GRID2IP: variants seen among roughly 807,000 people sequenced by gnomAD.
The protein encoded by GRID2IP is delphilin.
A neutral mutation model predicts 114.3 loss-of-function variants in GRID2IP; 78 were observed. The ratio of observed to expected loss-of-function variants is 0.68; its 90% CI spans 0.57 to 0.82. The LOEUF is 0.82. GRID2IP is among the 40% of genes least tolerant of loss of function. The pLI is 0.00. For synonymous variants in GRID2IP, 809 were observed against 724.0 expected (o/e 1.12, Z -1.89); for missense variants, 1,727 against 1,678.5 (o/e 1.03, Z -0.51).
rs1446126528 is a variant in GRID2IP at position 6,528,853 on chromosome 7, A to G, written c.585-2084T>C. The stretch of plus-strand genomic sequence containing the variant: ...TCCTGCTCACCTCTGCCCGGTGCCC[A>G]TTCCCATCCACCTGCAATGCTTCCT... On this transcript the variant is annotated intron_variant, in intron 2 of 21. Coordinates refer to ENST00000457091, the MANE Select transcript of GRID2IP (RefSeq NM_001145118.2). The surrounding 1 kb of genome is among the most constrained non-coding windows in gnomAD (Gnocchi z 6.0). Among the ~76,000 whole-genome samples, 5 of 152,064 alleles carry G rather than the reference A, an allele frequency of 3.3e-5. No homozygotes were observed. Among genetic ancestry groups the G allele is most frequent in the Non-Finnish European group, 1.5e-5 (1 of 67,986 alleles).
Position 6,508,954 on chromosome 7 carries a change from C to T in GRID2IP, c.2127+4G>A. Reference sequence around the variant, plus strand: ...CCTCCCTCCACACCTGCTTGCGTGCCCACCTCCTCGTAGTCGTTCTCCGGG... The same window carrying T: ...CCTCCCTCCACACCTGCTTGCGTGCTCACCTCCTCGTAGTCGTTCTCCGGG... On this transcript the variant is annotated splice_donor_region_variant and intron_variant, in intron 12 of 21. Transcript: ENST00000457091. The surrounding 1 kb of genome is among the most constrained non-coding windows in gnomAD (Gnocchi z 5.6). The T allele has an allele frequency of 6.5e-7, 1 of 1,544,976 alleles. No individual in the cohort carries two copies. The highest frequency in any genetic ancestry group is 8.7e-7 in the Non-Finnish European group (1 of 1,146,264).
Position 6,532,510 on chromosome 7 carries a change from G to A in GRID2IP, c.585-5741C>T, listed in dbSNP as rs1779650722. On this transcript the variant is annotated intron_variant, in intron 2 of 21. Transcript: ENST00000457091. This position sits in a 1 kb window ranked among gnomAD's most constrained non-coding sequence, Gnocchi z 4.4. Reference sequence around the variant, plus strand: ...AGCCCCCCATTCCTGGCCCTTGCAAGACCATCACTTTGCTGTGACCCCCCG... The same window carrying A: ...AGCCCCCCATTCCTGGCCCTTGCAAAACCATCACTTTGCTGTGACCCCCCG... 6.6e-6 allele frequency among the ~76,000 whole-genome samples: 1 copy of A among 152,136 alleles called. No homozygotes were observed. Among genetic ancestry groups the A allele is most frequent in the Admixed American group, 6.5e-5 (1 of 15,278 alleles).
Position 6,508,514 on chromosome 7 carries a change from G to C in GRID2IP, c.2128-113C>G, listed in dbSNP as rs905248750. On this transcript the variant is annotated intron_variant, in intron 12 of 21. Coordinates refer to ENST00000457091, the MANE Select transcript of GRID2IP (RefSeq NM_001145118.2). This position sits in a 1 kb window ranked among gnomAD's most constrained non-coding sequence, Gnocchi z 5.6. ...TGGGACAAGGACAGGGCCATCTCACGGGTTAGCCTCAGGCTGTGAGGGACA... is the reference window on the plus strand; with the variant it reads ...TGGGACAAGGACAGGGCCATCTCACCGGTTAGCCTCAGGCTGTGAGGGACA... The C allele has an allele frequency of 4.0e-5, 60 of 1,495,048 alleles. No homozygotes were observed. The African/African-American group carries it at 6.3e-4, about 16-fold the overall frequency. The allele number at this position is 1,495,048 out of a possible 1,614,324, so 92.6% of individuals were successfully genotyped here.
chr7:6,511,802 C>T (rs750508024), intron 8 of GRID2IP, among the ~76,000 whole-genome samples: 6 of 152,320 alleles, frequency 3.9e-5, no homozygotes, highest in Middle Eastern at 3.4e-3. Flanking sequence ...ACACAAGGAC[C>T]AGCAACTCTG....
intron 15 of GRID2IP, among the ~76,000 whole-genome samples, 197 bp from the exon 16 acceptor site, chr7:6,503,884 G>A (rs771884006): frequency 1.7e-4 from 26 of 151,828 alleles, no homozygotes; most frequent in Non-Finnish European, 2.4e-4. Context: ...TCCCGAATGG[G>A]GAGAGGACGG....
intron 15 of GRID2IP, among the ~76,000 whole-genome samples, chr7:6,504,252 G>C (rs997404981): frequency 2.0e-5 from 3 of 151,306 alleles, no homozygotes; most frequent in African/African-American, 4.9e-5. Flanking sequence ...GAAACTGAGC[G>C]GGGCTGCTGG....
In GRID2IP at chr7:6,497,818, C is replaced by T. The variant is rs777306827; in HGVS notation, c.3592G>A (p.Glu1198Lys). The T allele has an allele frequency of 1.3e-6, 2 of 1,550,046 alleles. No individual in the cohort carries two copies. Among genetic ancestry groups the T allele is most frequent in the Non-Finnish European group, 1.7e-6 (2 of 1,146,668 alleles). ...ACCATCCCGGAGCTGCGCAGGCCCTCCCCGGCCTGCAGGTCACTCAGCGCT... is the reference window on the plus strand; with the variant it reads ...ACCATCCCGGAGCTGCGCAGGCCCTTCCCGGCCTGCAGGTCACTCAGCGCT... ...ERALSDLQAG[E>K]GLRSSGMVSP... The change falls in exon 22 of 22, where the codon GAG becomes AAG. Residue 1198 changes from glutamate to lysine, a missense_variant. Coordinates refer to ENST00000457091, the MANE Select transcript of GRID2IP (RefSeq NM_001145118.2).
rs954991699 is a variant in GRID2IP, at chr7:6,539,756, C to T, written c.546G>A (p.Leu182=). 1 of 1,549,876 alleles carries T rather than the reference C, an allele frequency of 6.5e-7. No individual in the cohort carries two copies. Among genetic ancestry groups the T allele is most frequent in the Non-Finnish European group, 8.7e-7 (1 of 1,146,914 alleles). The change falls in exon 2 of 22, where the codon CTG becomes CTA. Residue 182 remains leucine (L), a synonymous_variant. Transcript: ENST00000457091. ...DDLVWTLTLA[L]PREACGPLLD... The stretch of plus-strand genomic sequence containing the variant: ...GGAGTGGCCCGCAGGCCTCTCGGGG[C>T]AGCGCCAGGGTGAGAGTCCACACCA...
chr7:6,514,850 G>C (rs1237006850), intron 7 of GRID2IP, among the ~76,000 whole-genome samples: 1 of 151,878 alleles, frequency 6.6e-6, no homozygotes, highest in East Asian at 1.9e-4. Context: ...TACTCGGGAG[G>C]CTGAGGCAGG....
In GRID2IP at chr7:6,503,664, G is replaced by C. The variant is rs1440056864; in HGVS notation, c.2734C>G (p.Leu912Val). Residue 912 changes from leucine to valine, a missense_variant, in exon 16 of 22, where the codon CTG becomes GTG. By Grantham distance (32) the Leu-to-Val change is conservative. Transcript: ENST00000457091. Reference sequence around the variant, plus strand: ...ACCTGGCGCAGCTCCGCGGGGCTCAGCTTCAGGTGTGCCAAGAGGATGGCT... The same window carrying C: ...ACCTGGCGCAGCTCCGCGGGGCTCACCTTCAGGTGTGCCAAGAGGATGGCT... The part of the protein sequence containing the change: ...NTSILLAHLK[L>V]SPAELRQVLM... The C allele has an allele frequency of 6.6e-7, 1 of 1,510,502 alleles. No individual in the cohort carries two copies. The allele number at this position is 1,510,502 out of a possible 1,614,324, so 93.6% of individuals were successfully genotyped here. A position where few individuals can be genotyped will look rare whatever the true frequency, so the allele number is the denominator to read the frequency against.
At chr7:6,544,810 G>A (rs1203125522) in intron 1 of GRID2IP, among the ~76,000 whole-genome samples, 4 of 151,884 alleles carry the variant, frequency 2.6e-5, no homozygotes, top group East Asian at 3.9e-4. Flanking sequence ...AGCCGGGCGC[G>A]GTGGCTCATG....
rs753427468 is a variant in GRID2IP at position 6,502,017 on chromosome 7, G to A, written c.3252C>T (p.Asp1084=). Residue 1084 remains aspartate, a synonymous_variant, in exon 19 of 22, where the codon GAC becomes GAT. Transcript: ENST00000457091. ...TGGCAGCCAGGGGCACGGTGGGCAGGTCCTGAGCAAAGCCCAGGAGTTCAG... is the reference window on the plus strand; with the variant it reads ...TGGCAGCCAGGGGCACGGTGGGCAGATCCTGAGCAAAGCCCAGGAGTTCAG... ...HFPELLGFAQ[D]LPTVPLAAKV... 6.4e-7 allele frequency: 1 copy of A among 1,551,352 alleles called. No homozygotes were observed. The highest frequency in any genetic ancestry group is 8.7e-7 in the Non-Finnish European group (1 of 1,146,928).
chr7:6,543,310 T>C (rs946369336), intron 1 of GRID2IP, among the ~76,000 whole-genome samples: 6 of 151,988 alleles, frequency 3.9e-5, no homozygotes, highest in Non-Finnish European at 7.4e-5. Flanking sequence ...GGCAGGAGAA[T>C]TGCTTGAGCC....
At chr7:6,510,542 C>T in intron 10 of GRID2IP, 67 bp downstream of exon 10, 1 of 1,365,354 alleles carries the variant, frequency 7.3e-7, no homozygotes, top group African/African-American at 1.5e-5. Context: ...TCTCCTGGGC[C>T]CAGTCCTATG....
rs966035901 is a variant in GRID2IP at position 6,551,262 on chromosome 7, C to T, written c.175G>A (p.Gly59Ser). The change falls in exon 1 of 22, where the codon GGT becomes AGT. Residue 59 changes from glycine to serine, a missense_variant. Transcript: ENST00000457091. ...CGCACGAGGCGCTCGCGGCTCAGACCGCCCACCGCCAGCCCCTCCACCTCC... is the reference window on the plus strand; with the variant it reads ...CGCACGAGGCGCTCGCGGCTCAGACTGCCCACCGCCAGCCCCTCCACCTCC... The part of the protein sequence containing the change: ...ILEVEGLAVG[G>S]LSRERLVRLA... 16 of 1,535,880 alleles carry T rather than the reference C, an allele frequency of 1.0e-5. No homozygotes were observed. The East Asian group carries it at 1.2e-4, about 12-fold the overall frequency.
Position 6,508,047 on chromosome 7 carries a change from T to C in GRID2IP, c.2482A>G (p.Met828Val), listed in dbSNP as rs1456171830. Residue 828 changes from methionine to valine, a missense_variant, in exon 13 of 22, where the codon ATG (methionine) becomes GTG (valine). Physicochemically the swap from Met to Val is conservative, Grantham distance 21. Coordinates refer to ENST00000457091, the MANE Select transcript of GRID2IP (RefSeq NM_001145118.2). The surrounding 1 kb of genome is among the most constrained non-coding windows in gnomAD (Gnocchi z 5.6). ...LGHRRSETSH[M>V]SVKRLRWEQV... ...TCCCACCGCAAGCGCTTGACGCTCA[T>C]GTGGCTGGTCTCACTGCGCCGGTGG... 2.4e-5 allele frequency: 37 copies of C among 1,529,840 alleles called. No homozygotes were observed. Among genetic ancestry groups the C allele is most frequent in the Non-Finnish European group, 3.3e-5 (37 of 1,135,968 alleles). The allele number at this position is 1,529,840 out of a possible 1,614,324, so 94.8% of individuals were successfully genotyped here.
chr7:6,541,756 G>C (rs893028241), intron 1 of GRID2IP, among the ~76,000 whole-genome samples: 8 of 152,252 alleles, frequency 5.3e-5, no homozygotes, highest in African/African-American at 1.9e-4. Flanking sequence ...TCACGTTTCT[G>C]GAAGGCAGGT....
At position 6,551,104 on chromosome 7, in the gene GRID2IP, T is replaced by G. The variant is rs1779970347; in HGVS notation, c.333A>C (p.Leu111=). 1 of 1,303,416 alleles carries G rather than the reference T, an allele frequency of 7.7e-7. No homozygotes were observed. Among genetic ancestry groups the G allele is most frequent in the South Asian group, 2.2e-5 (1 of 44,494 alleles). 80.7% of individuals were successfully genotyped at this position (1,303,416 alleles called of 1,614,324 possible). Residue 111 remains leucine, a synonymous_variant, in exon 1 of 22, where the codon CTA becomes CTC. Transcript: ENST00000457091. ...GGCGAAGCAGCTCACGGCCCAGAGC[T>G]AGGCCGCGGCCGCACCGCGGGGCCC... is the stretch of plus-strand genomic sequence containing the variant. ...VLRAPRCGRG[L]ALGRELLRLA... is the part of the protein sequence containing the mutation.
Position 6,510,678 on chromosome 7 carries a change from A to C in GRID2IP, c.1584T>G (p.Leu528=). 1 of 1,546,312 alleles carries C rather than the reference A, an allele frequency of 6.5e-7. No individual in the cohort carries two copies. The highest frequency in any genetic ancestry group is 8.7e-7 in the Non-Finnish European group (1 of 1,145,258). The change falls in exon 10 of 22, where the codon CTT becomes CTG. Residue 528 remains leucine (L), a synonymous_variant. Transcript: ENST00000457091. ...CCTGGCGCTCGCCTGGGATCAGGGG[A>C]AGAGGCATCTCAGGGCACTCGCTGG... ...CGPSECPEMP[L]PLIPGERQAG...
Sources: gnomAD v4.1 joint callset for allele counts (sites outside exome capture counted in the v4.1 genomes callset) on GRCh38, gnomAD v4.1.1 for gene constraint, Gnocchi (gnomAD v3.1) non-coding constraint, MANE v1.5 for transcripts, NCBI Gene and HGNC (gene_info 2026-07-23, HGNC 2026-07-21) for gene names.